SHISA9: variants seen among roughly 807,000 people sequenced by gnomAD.
The protein encoded by SHISA9 is shisa family member 9.
In SHISA9, 13 loss-of-function variants were observed where a neutral mutation model predicts 38.0. The ratio of observed to expected loss-of-function variants is 0.34; its 90% CI spans 0.22 to 0.54. The LOEUF (loss-of-function observed/expected upper bound fraction) is 0.54, where lower values mean the gene tolerates loss of function less well. Among genes scored for constraint, SHISA9 ranks in the 20% least tolerant of loss-of-function variants. The pLI, the probability that SHISA9 is intolerant of heterozygous loss-of-function variation, is 0.91. For synonymous variants in SHISA9, 275 were observed against 242.0 expected (o/e 1.14, Z -1.27); for missense variants, 538 against 575.8 (o/e 0.93, Z 0.67).
chr16:13,282,764 C>A, the SHISA9 span, among the ~76,000 whole-genome samples: 1 of 152,040 alleles, frequency 6.6e-6, no homozygotes, highest in African/African-American at 2.4e-5. Context: ...TTTGCTCACC[C>A]AGTGAGTTTC....
In SHISA9 at chr16:12,993,216, G is replaced by T. The variant is rs183987240; in HGVS notation, c.691+76401G>T. Among the ~76,000 whole-genome samples, 60 of 110,136 alleles carry T rather than the reference G, an allele frequency of 5.4e-4. 1 individual carries two copies. In the Middle Eastern group the frequency reaches 0.011, roughly 20 times the overall value. The allele number at this position is 110,136 out of a possible 152,430, so 72.3% of individuals were successfully genotyped here. ...ATAAAAGGTTCAGATTTGAAATAAG[G>T]GTTTGATTTTCTCCTTATTTTTGAG... is the stretch of plus-strand genomic sequence containing the variant. On this transcript the variant is annotated intron_variant, in intron 2 of 4. Transcript: ENST00000558583.
the SHISA9 span, among the ~76,000 whole-genome samples, chr16:13,252,320 C>T: frequency 1.8e-4 from 28 of 152,166 alleles, no homozygotes; most frequent in African/African-American, 6.0e-4. Context: ...GGACATTTGG[C>T]AATAACTGGA....
chr16:12,954,221 G>C (rs568241722), intron 2 of SHISA9, among the ~76,000 whole-genome samples: 2 of 152,332 alleles, frequency 1.3e-5, no homozygotes, highest in South Asian at 2.1e-4. Context: ...GTGCAAAGGC[G>C]TAGAGATGTG....
chr16:13,134,124 C>G (rs769776543), intron 2 of SHISA9, among the ~76,000 whole-genome samples: 19 of 152,264 alleles, frequency 1.2e-4, no homozygotes, highest in Non-Finnish European at 2.8e-4. Flanking sequence ...CACAACAGCA[C>G]AGTGGTTAAG....
At chr16:12,957,168 G>A (rs1389867172) in intron 2 of SHISA9, among the ~76,000 whole-genome samples, 1 of 152,154 alleles carries the variant, frequency 6.6e-6, no homozygotes, top group African/African-American at 2.4e-5. Context: ...CCCTTTCACA[G>A]CTCAGCAGAG....
chr16:12,958,205 C>A (rs1449691003), intron 2 of SHISA9, among the ~76,000 whole-genome samples: 1 of 152,234 alleles, frequency 6.6e-6, no homozygotes, highest in Non-Finnish European at 1.5e-5. Flanking sequence ...TATCATCTGA[C>A]AATATCTTAA....
intron 3 of SHISA9, among the ~76,000 whole-genome samples, chr16:13,204,032 A>G (rs947411687): frequency 2.0e-5 from 3 of 151,942 alleles, no homozygotes; most frequent in African/African-American, 4.8e-5. Context: ...TGTATTATCT[A>G]TCTATCATCC....
intron 2 of SHISA9, among the ~76,000 whole-genome samples, chr16:13,033,769 C>A (rs1301927994): frequency 6.6e-6 from 1 of 152,174 alleles, no homozygotes; most frequent in Non-Finnish European, 1.5e-5. Context: ...TCCCAACTTG[C>A]TCCAATAGGC....
At chr16:13,345,722 G>T in the SHISA9 span, among the ~76,000 whole-genome samples, 28 of 152,208 alleles carry the variant, frequency 1.8e-4, no homozygotes, top group African/African-American at 5.5e-4. Context: ...CACCAACAGT[G>T]TATAAGTGTT....
At chr16:13,452,221 A>G in the SHISA9 span, among the ~76,000 whole-genome samples, 382 of 152,348 alleles carry the variant, frequency 2.5e-3, 2 homozygotes, top group African/African-American at 8.9e-3. Context: ...GAGGGTGCAC[A>G]GGGGTAATAA....
the SHISA9 span, among the ~76,000 whole-genome samples, chr16:13,525,554 T>G: frequency 6.6e-6 from 1 of 152,164 alleles, no homozygotes. Context: ...AATCCCAAAC[T>G]TTGATCACCC....
At chr16:13,170,468 G>A (rs1019095670) in intron 2 of SHISA9, among the ~76,000 whole-genome samples, 1 of 152,120 alleles carries the variant, frequency 6.6e-6, no homozygotes, top group African/African-American at 2.4e-5. Context: ...GCGTGGCAGG[G>A]AACAACACAC....
the SHISA9 span, among the ~76,000 whole-genome samples, chr16:13,483,641 G>T: frequency 6.6e-6 from 1 of 151,806 alleles, no homozygotes; most frequent in African/African-American, 2.4e-5. Flanking sequence ...ATCCTTCCCC[G>T]GTCTTTCTGA....
chr16:13,310,447 T>C, the SHISA9 span, among the ~76,000 whole-genome samples: 78 of 152,292 alleles, frequency 5.1e-4, 3 homozygotes, highest in South Asian at 0.016. Context: ...CTCTGCCTTA[T>C]CCCACTCTCA....
chr16:13,502,876 G>GA, the SHISA9 span, among the ~76,000 whole-genome samples: 1 of 151,402 alleles, frequency 6.6e-6, no homozygotes, highest in Admixed American at 6.6e-5. Flanking sequence ...GACCTGTCTC[G>GA]AAAAAAATAA....
the SHISA9 span, among the ~76,000 whole-genome samples, chr16:13,470,846 G>C: frequency 6.6e-6 from 1 of 151,848 alleles, no homozygotes; most frequent in Non-Finnish European, 1.5e-5. Flanking sequence ...CATTTCAGGG[G>C]CAAAAAAACA....
the SHISA9 span, among the ~76,000 whole-genome samples, chr16:13,346,586 G>T: frequency 6.6e-6 from 1 of 152,020 alleles, no homozygotes; most frequent in Non-Finnish European, 1.5e-5. Flanking sequence ...TCCCACTCAT[G>T]GCATGTTATC....
chr16:13,044,416 C>T (rs2073164816), intron 2 of SHISA9, among the ~76,000 whole-genome samples: 1 of 152,182 alleles, frequency 6.6e-6, no homozygotes, highest in Admixed American at 6.6e-5. Flanking sequence ...GGTTTCTCAT[C>T]CATAAAATGA....
chr16:13,401,573 C>T, the SHISA9 span, among the ~76,000 whole-genome samples: 1 of 152,150 alleles, frequency 6.6e-6, no homozygotes, highest in African/African-American at 2.4e-5. Flanking sequence ...GGCCCTAATC[C>T]TTTAGGGTTG....
Sources: allele counts gnomAD v4.1 joint callset (sites outside exome capture counted in the v4.1 genomes callset), GRCh38; gene constraint gnomAD v4.1.1; transcripts MANE v1.5; gene names NCBI Gene and HGNC (gene_info 2026-07-23, HGNC 2026-07-21).